Variants in STPG2 observed in about 807,000 individuals in gnomAD.
STPG2 encodes the protein sperm tail PG-rich repeat containing 2, also known as sperm-tail PG-rich repeat-containing protein 2.
Under a neutral mutation model 54.2 loss-of-function variants are expected in STPG2, and 56 were observed. The observed-to-expected ratio is 1.03, with a 90% CI of 0.83 to 1.29. STPG2 has a LOEUF of 1.29. STPG2 is among the 50% of genes most tolerant of loss of function. STPG2 has a pLI of 0.00. For synonymous variants in STPG2, 200 were observed against 181.8 expected (o/e 1.10, Z -0.81); for missense variants, 596 against 544.9 (o/e 1.09, Z -0.93).
rs1578414585 is a variant in STPG2 at position 97,598,165 on chromosome 4, G to C, written c.1321-39048C>G. Among the ~76,000 whole-genome samples the C allele has an allele frequency of 3.3e-5, 5 of 152,048 alleles. 1 individual carries two copies. The highest frequency in any genetic ancestry group is 3.3e-4 in the Admixed American group (5 of 15,268). ...GCCACAAAAAGAAACAAATACGTAGGAATACAGCTAACAGGGAAGGTGAAA... is the reference window on the plus strand; with the variant it reads ...GCCACAAAAAGAAACAAATACGTAGCAATACAGCTAACAGGGAAGGTGAAA... On this transcript the variant is annotated intron_variant, in intron 10 of 10. Transcript: ENST00000295268.
At chr4:97,722,959 G>A (rs994826812) in intron 9 of STPG2, among the ~76,000 whole-genome samples, 2 of 136,574 alleles carry the variant, frequency 1.5e-5, no homozygotes, top group Non-Finnish European at 3.1e-5. Flanking sequence ...CACCACACCC[G>A]GCTAATTTTT....
chr4:97,770,287 C>G (rs774384210), intron 9 of STPG2, among the ~76,000 whole-genome samples: 1 of 152,046 alleles, frequency 6.6e-6, no homozygotes, highest in Non-Finnish European at 1.5e-5. Context: ...ACTGTGAGTT[C>G]TAAATGTGCA....
chr4:98,066,179 C>T (rs149424742), intron 5 of STPG2, among the ~76,000 whole-genome samples: 301 of 152,088 alleles, frequency 2.0e-3, no homozygotes, highest in African/African-American at 7.1e-3. Flanking sequence ...TACAAAATTA[C>T]ATATTTAGCA....
chr4:97,620,434 C>T (rs2148923550), intron 10 of STPG2, among the ~76,000 whole-genome samples: 1 of 152,214 alleles, frequency 6.6e-6, no homozygotes, highest in East Asian at 1.9e-4. Context: ...CAAAGATTCT[C>T]CCTATTTAGT....
At chr4:98,112,377 T>C (rs1739388655) in intron 3 of STPG2, among the ~76,000 whole-genome samples, 1 of 152,142 alleles carries the variant, frequency 6.6e-6, no homozygotes, top group Non-Finnish European at 1.5e-5. Flanking sequence ...ACCATATAGC[T>C]TAGGTGTGTC....
chr4:97,792,969 T>C (rs1037949161), intron 9 of STPG2, among the ~76,000 whole-genome samples: 1 of 152,054 alleles, frequency 6.6e-6, no homozygotes, highest in African/African-American at 2.4e-5. Context: ...CTGGCCAACA[T>C]GGTGAGACCC....
At chr4:98,065,378 A>C (rs1293462124) in intron 5 of STPG2, among the ~76,000 whole-genome samples, 1 of 152,160 alleles carries the variant, frequency 6.6e-6, no homozygotes, top group African/African-American at 2.4e-5. Flanking sequence ...TAACTGGATA[A>C]TTATATAAAA....
chr4:97,908,714 A>G (rs1470120334), intron 8 of STPG2, among the ~76,000 whole-genome samples: 1 of 151,820 alleles, frequency 6.6e-6, no homozygotes, highest in South Asian at 2.1e-4. Context: ...TGTCCTTTGT[A>G]GGGACATGGA....
chr4:97,770,983 G>A (rs1422089221), intron 9 of STPG2, among the ~76,000 whole-genome samples: 2 of 152,170 alleles, frequency 1.3e-5, no homozygotes, highest in Non-Finnish European at 2.9e-5. Flanking sequence ...CAAGTCTGAA[G>A]TTCAGGAAAG....
intron 9 of STPG2, among the ~76,000 whole-genome samples, chr4:97,735,198 A>G (rs561374568): frequency 6.6e-6 from 1 of 152,158 alleles, no homozygotes; most frequent in South Asian, 2.1e-4. Context: ...ACTTCTATAT[A>G]CATATATGCA....
intron 10 of STPG2, among the ~76,000 whole-genome samples, chr4:97,650,782 G>A (rs960302025): frequency 1.1e-4 from 16 of 152,142 alleles, no homozygotes; most frequent in Admixed American, 7.9e-4. Flanking sequence ...TTACAGGTGC[G>A]TATTTTCTCC....
intron 8 of STPG2, among the ~76,000 whole-genome samples, chr4:97,910,475 C>A (rs1213474090): frequency 6.6e-6 from 1 of 152,184 alleles, no homozygotes; most frequent in African/African-American, 2.4e-5. Context: ...AAAAAGTCCA[C>A]TGGGTACCAT....
intron 5 of STPG2, among the ~76,000 whole-genome samples, chr4:98,101,474 G>A (rs1358930154): frequency 1.3e-5 from 2 of 151,940 alleles, no homozygotes; most frequent in African/African-American, 4.8e-5. Context: ...AGGTGTGAAG[G>A]AGTGATCTAT....
chr4:97,742,940 G>T (rs1725309657), intron 9 of STPG2, among the ~76,000 whole-genome samples: 1 of 151,572 alleles, frequency 6.6e-6, no homozygotes, highest in Admixed American at 6.6e-5. Context: ...TATGTAAAAT[G>T]AGGGAGATGT....
At chr4:97,825,788 G>A (rs1211288208) in intron 9 of STPG2, among the ~76,000 whole-genome samples, 1 of 152,088 alleles carries the variant, frequency 6.6e-6, no homozygotes, top group Non-Finnish European at 1.5e-5. Context: ...CTTAAATCAA[G>A]TATGTTATCA....
chr4:97,926,354 A>C (rs1198453270), intron 8 of STPG2, among the ~76,000 whole-genome samples: 2 of 151,826 alleles, frequency 1.3e-5, no homozygotes, highest in African/African-American at 4.8e-5. Context: ...TTGTTTTTCT[A>C]CTCTTTTTGA....
At chr4:97,988,583 A>G (rs920821049) in intron 5 of STPG2, among the ~76,000 whole-genome samples, 6 of 152,152 alleles carry the variant, frequency 3.9e-5, no homozygotes, top group Non-Finnish European at 8.8e-5. Flanking sequence ...GTGGCTCCAA[A>G]TAAGTGCATT....
At chr4:97,726,862 C>CAG (rs1724641079) in intron 9 of STPG2, among the ~76,000 whole-genome samples, 7 of 151,552 alleles carry the variant, frequency 4.6e-5, no homozygotes, top group African/African-American at 1.7e-4. Context: ...CACACACACA[C>CAG]AGAGAATATA....
At chr4:97,950,967 A>G (rs1380734864) in intron 7 of STPG2, among the ~76,000 whole-genome samples, 4 of 152,146 alleles carry the variant, frequency 2.6e-5, no homozygotes, top group African/African-American at 9.7e-5. Flanking sequence ...GGACAATATC[A>G]CTATTGTAAA....
Sources: allele counts gnomAD v4.1 joint callset (sites outside exome capture counted in the v4.1 genomes callset), GRCh38; gene constraint gnomAD v4.1.1; transcripts MANE v1.5; gene names NCBI Gene and HGNC (gene_info 2026-07-23, HGNC 2026-07-21).